Variants in PPP2R1A observed in about 807,000 individuals in gnomAD.
PPP2R1A encodes protein phosphatase 2 scaffold subunit Aalpha, also known as serine/threonine-protein phosphatase 2A 65 kDa regulatory subunit A alpha isoform.
A neutral mutation model predicts 67.1 loss-of-function variants in PPP2R1A; 15 were observed. The observed-to-expected ratio is 0.22, with a 90% CI of 0.15 to 0.34. The LOEUF is 0.34. Among genes scored for constraint, PPP2R1A ranks in the 10% least tolerant of loss-of-function variants. The pLI is 1.00. For synonymous variants in PPP2R1A, 337 were observed against 325.0 expected, an observed-to-expected ratio of 1.04 and a Z score of -0.40; for missense variants, 369 against 775.0, an observed-to-expected ratio of 0.48 and a Z score of 6.22.
chr19:52,192,298 CTT>C (rs60482392), intron 1 of PPP2R1A, among the ~76,000 whole-genome samples: 2 of 144,372 alleles, frequency 1.4e-5, no homozygotes, highest in African/African-American at 5.1e-5. Context: ...ATGTAATGGC[CTT>C]TTTTTTTTTT....
chr19:52,223,613 G>C (rs1024550485), intron 13 of PPP2R1A, among the ~76,000 whole-genome samples: 2 of 152,184 alleles, frequency 1.3e-5, no homozygotes, highest in Non-Finnish European at 2.9e-5. Flanking sequence ...TGACAAGGGT[G>C]TTCAGCATCA....
In PPP2R1A at chr19:52,211,469, T is replaced by C. The variant is rs113939958; in HGVS notation, c.480T>C (p.Ser160=). The change falls in exon 4 of 15, where the codon AGT becomes AGC. Residue 160 remains serine (S), a synonymous_variant. Transcript: ENST00000322088. The surrounding 1 kb of genome is among the most constrained non-coding windows in gnomAD (Gnocchi z 5.3). ...CCGTCTGCTACCCCCGAGTGTCCAG[T>C]GCTGTGAAGGCGGAACTTCGACAGT... The part of the protein sequence containing the change: ...LFSVCYPRVS[S]AVKAELRQYF... 1 of 1,611,158 alleles carries C rather than the reference T, an allele frequency of 6.2e-7. No individual in the cohort carries two copies. The highest frequency in any genetic ancestry group is 2.2e-5 in the East Asian group (1 of 44,816).
intron 9 of PPP2R1A, among the ~76,000 whole-genome samples, chr19:52,217,180 ACT>A (rs1240938589): frequency 2.0e-5 from 3 of 151,842 alleles, no homozygotes; most frequent in African/African-American, 4.8e-5. Flanking sequence ...ACAGAGCAAG[ACT>A]CTGTCTCAAA....
intron 1 of PPP2R1A, among the ~76,000 whole-genome samples, chr19:52,199,435 C>CTGGG (rs1018424754): frequency 2.6e-5 from 4 of 152,154 alleles, no homozygotes; most frequent in African/African-American, 9.7e-5. Context: ...TCCCAAGGTG[C>CTGGG]TGGGATTACA....
At position 52,228,518 on chromosome 19, in the gene PPP2R1A, T is replaced by C. The variant is rs1446302685; in HGVS notation, c.*2537T>C. Reference sequence around the variant, plus strand: ...ATGAATGTGATGTTATTAAGTCCATTGTTAGGAGTGGTTCCTAATCTCCCA... The same window carrying C: ...ATGAATGTGATGTTATTAAGTCCATCGTTAGGAGTGGTTCCTAATCTCCCA... On this transcript the variant is annotated 3_prime_UTR_variant, in exon 15 of 15. Coordinates refer to ENST00000322088, the MANE Select transcript of PPP2R1A (RefSeq NM_014225.6). The C allele has an allele frequency of 6.6e-6, 1 of 152,194 alleles. No homozygotes were observed. The highest frequency in any genetic ancestry group is 1.5e-5 in the Non-Finnish European group (1 of 68,036). The allele number at this position is 152,194 out of a possible 1,614,324, so 9.4% of individuals were successfully genotyped here.
At chr19:52,200,983 G>C (rs2089541929) in intron 1 of PPP2R1A, 1 of 151,440 alleles carries the variant, frequency 6.6e-6, no homozygotes, top group African/African-American at 2.4e-5. Context: ...GATATTATCT[G>C]GACACACTTA....
intron 6 of PPP2R1A, among the ~76,000 whole-genome samples, chr19:52,215,155 A>G (rs1218203670): frequency 6.6e-6 from 1 of 152,194 alleles, no homozygotes; most frequent in Non-Finnish European, 1.5e-5. Context: ...TCCTGGGCTC[A>G]GGTGATCCTC....
intron 1 of PPP2R1A, among the ~76,000 whole-genome samples, chr19:52,193,319 A>T (rs1184602952): frequency 6.6e-6 from 1 of 152,244 alleles, no homozygotes; most frequent in Non-Finnish European, 1.5e-5. Flanking sequence ...ACAGTTCAGG[A>T]TACTAGAAGG....
rs1415508609 is a variant in PPP2R1A, at chr19:52,228,540, C to T, written c.*2559C>T. On this transcript the variant is annotated 3_prime_UTR_variant, in exon 15 of 15. Coordinates refer to ENST00000322088, the MANE Select transcript of PPP2R1A (RefSeq NM_014225.6). ...CATTGTTAGGAGTGGTTCCTAATCT[C>T]CCAGGCTGCAGGCTTTGTTTGCTCC... is the stretch of plus-strand genomic sequence containing the variant. The T allele has an allele frequency of 6.6e-6, 1 of 152,200 alleles. No individual in the cohort carries two copies. Among genetic ancestry groups the T allele is most frequent in the African/African-American group, 2.4e-5 (1 of 41,434 alleles). 9.4% of individuals were successfully genotyped at this position (152,200 alleles called of 1,614,324 possible).
In PPP2R1A at chr19:52,216,920, T is replaced by A. The variant is rs1287086245; in HGVS notation, c.1128+257T>A. 6.6e-6 allele frequency among the ~76,000 whole-genome samples: 1 copy of A among 152,192 alleles called. No individual in the cohort carries two copies. Among genetic ancestry groups the A allele is most frequent in the African/African-American group, 2.4e-5 (1 of 41,446 alleles). On this transcript the variant is annotated intron_variant, in intron 9 of 14. Transcript: ENST00000322088. This position sits in a 1 kb window ranked among gnomAD's most constrained non-coding sequence, Gnocchi z 4.3. Reference sequence around the variant, plus strand: ...AGTTTTTATTTATGGCCAGGCGCGGTGGCTCACGCCTGTAATCCCAGCACT... The same window carrying A: ...AGTTTTTATTTATGGCCAGGCGCGGAGGCTCACGCCTGTAATCCCAGCACT...
In PPP2R1A at chr19:52,219,680, C is replaced by A. The variant is rs556262960; in HGVS notation, c.1129-11C>A. ...TTGCATTCTCTCAGAATCCTTCTTT[C>A]CTCTCCTCAGTGCCCTGAGGTACGG... is the stretch of plus-strand genomic sequence containing the variant. On this transcript the variant is annotated splice_polypyrimidine_tract_variant and intron_variant, in intron 9 of 14. Transcript: ENST00000322088. This position sits in a 1 kb window ranked among gnomAD's most constrained non-coding sequence, Gnocchi z 4.0. The A allele has an allele frequency of 1.9e-6, 3 of 1,604,442 alleles. No individual in the cohort carries two copies. In the Admixed American group the frequency reaches 5.0e-5, roughly 27 times the overall value.
At chr19:52,191,398 G>T (rs62109202) in intron 1 of PPP2R1A, 10,167 of 152,274 alleles carry the variant, frequency 0.067, 380 homozygotes, top group Middle Eastern at 0.12. Context: ...AAAGTAGAAT[G>T]GTGTCAGGCC....
Position 52,211,352 on chromosome 19 carries a change from C to T in PPP2R1A, c.363C>T (p.Pro121=). ...SLRAISHEHS[P]SDLEAHFVPL... The stretch of plus-strand genomic sequence containing the variant: ...GGGCCATCTCACACGAGCACTCGCC[C>T]TCTGACCTGGAGGCGCACTTTGTGC... The change falls in exon 4 of 15, where the codon CCC becomes CCT. Residue 121 remains proline (P), a synonymous_variant. Coordinates refer to ENST00000322088, the MANE Select transcript of PPP2R1A (RefSeq NM_014225.6). This position sits in a 1 kb window ranked among gnomAD's most constrained non-coding sequence, Gnocchi z 5.3. 1 of 1,614,168 alleles carries T rather than the reference C, an allele frequency of 6.2e-7. No individual in the cohort carries two copies. The highest frequency in any genetic ancestry group is 8.5e-7 in the Non-Finnish European group (1 of 1,179,990).
chr19:52,194,172 G>C (rs1037925125), intron 1 of PPP2R1A, among the ~76,000 whole-genome samples: 1 of 151,912 alleles, frequency 6.6e-6, no homozygotes, highest in Non-Finnish European at 1.5e-5. Context: ...TTGTTAGATA[G>C]GGAGGTTAGA....
chr19:52,214,797 G>A (rs1225196273), intron 6 of PPP2R1A, among the ~76,000 whole-genome samples: 1 of 151,426 alleles, frequency 6.6e-6, no homozygotes, highest in African/African-American at 2.4e-5. Flanking sequence ...CACAAGCTCA[G>A]CTGACTGCAA....
intron 2 of PPP2R1A, 24 bp downstream of exon 2, chr19:52,202,058 C>A: frequency 6.3e-7 from 1 of 1,599,092 alleles, no homozygotes; most frequent in Non-Finnish European, 8.6e-7. Context: ...CCCCTGGGGC[C>A]CAGATGTGGG....
At chr19:52,201,690 A>G (rs973928835) in intron 1 of PPP2R1A, 4 of 490,202 alleles carry the variant, frequency 8.2e-6, no homozygotes, top group Admixed American at 3.2e-5. Flanking sequence ...GGAAAGTGCA[A>G]CTGAGTAGGT....
Position 52,219,202 on chromosome 19 carries a change from A to G in PPP2R1A, c.1129-489A>G, listed in dbSNP as rs1167350359. Among the ~76,000 whole-genome samples, 1 of 152,228 alleles carries G rather than the reference A, an allele frequency of 6.6e-6. No homozygotes were observed. The highest frequency in any genetic ancestry group is 1.5e-5 in the Non-Finnish European group (1 of 68,042). ...TCCTCGGAATGTGCAGGGTTTCAAC[A>G]GCCCAAGCCTGCCAGGCTTGTTCAC... is the stretch of plus-strand genomic sequence containing the variant. On this transcript the variant is annotated intron_variant, in intron 9 of 14. Coordinates refer to ENST00000322088, the MANE Select transcript of PPP2R1A (RefSeq NM_014225.6). This position sits in a 1 kb window ranked among gnomAD's most constrained non-coding sequence, Gnocchi z 4.0.
At chr19:52,218,253 G>C (rs140618287) in intron 9 of PPP2R1A, among the ~76,000 whole-genome samples, 1 of 151,970 alleles carries the variant, frequency 6.6e-6, no homozygotes, top group East Asian at 1.9e-4. Context: ...ATACACAGGC[G>C]CCCACACAGT....
Sources: allele counts gnomAD v4.1 joint callset (sites outside exome capture counted in the v4.1 genomes callset), GRCh38; gene constraint gnomAD v4.1.1; non-coding constraint Gnocchi (gnomAD v3.1); transcripts MANE v1.5; gene names NCBI Gene and HGNC (gene_info 2026-07-23, HGNC 2026-07-21).